GRM8: variants seen among roughly 807,000 people sequenced by gnomAD.
The protein encoded by GRM8 is glutamate metabotropic receptor 8, also known as metabotropic glutamate receptor 8.
GRM8 carries 47 observed loss-of-function variants against 87.2 expected under a neutral mutation model. The ratio of observed to expected loss-of-function variants is 0.54; its 90% CI spans 0.43 to 0.69. The LOEUF is 0.69. GRM8 is among the 30% of genes least tolerant of loss of function. The pLI, the probability that GRM8 is intolerant of heterozygous loss-of-function variation, is 0.00. For missense variants in GRM8, 1,019 were observed against 1,139.2 expected (o/e 0.89, Z 1.52); for synonymous variants, 396 against 404.5 (o/e 0.98, Z 0.25).
intron 8 of GRM8, among the ~76,000 whole-genome samples, chr7:126,591,720 C>A (rs2151044138): frequency 6.8e-6 from 1 of 147,682 alleles, no homozygotes. Flanking sequence ...CCTTAAGGAA[C>A]TAGAAAAATA....
At chr7:126,624,909 G>A (rs191381379) in intron 7 of GRM8, among the ~76,000 whole-genome samples, 4 of 152,202 alleles carry the variant, frequency 2.6e-5, no homozygotes, top group Non-Finnish European at 4.4e-5. Context: ...GGATTCCAGC[G>A]TGAGTGCATG....
At chr7:127,228,439 G>T (rs75506384) in intron 2 of GRM8, 1 of 152,316 alleles carries the variant, frequency 6.6e-6, no homozygotes, top group African/African-American at 2.4e-5. Context: ...AACACCTGAA[G>T]GACTGTCTCA....
chr7:126,643,473 C>A (rs186661401), intron 7 of GRM8, among the ~76,000 whole-genome samples: 2 of 149,100 alleles, frequency 1.3e-5, no homozygotes, highest in African/African-American at 4.9e-5. Flanking sequence ...TAATTAAAAC[C>A]TTGTGTATAT....
At chr7:127,105,140 TG>T (rs1277199406) in intron 3 of GRM8, among the ~76,000 whole-genome samples, 1 of 152,192 alleles carries the variant, frequency 6.6e-6, no homozygotes, top group Non-Finnish European at 1.5e-5. Context: ...TTCATTTGAG[TG>T]GGCATTTCCT....
intron 3 of GRM8, among the ~76,000 whole-genome samples, chr7:126,907,587 A>G (rs1281168501): frequency 1.3e-5 from 2 of 152,132 alleles, no homozygotes; most frequent in Non-Finnish European, 2.9e-5. Flanking sequence ...TGAGATGGAG[A>G]TAAGGGTCCA....
At chr7:127,055,558 C>T (rs1819895884) in intron 3 of GRM8, among the ~76,000 whole-genome samples, 1 of 152,082 alleles carries the variant, frequency 6.6e-6, no homozygotes, top group South Asian at 2.1e-4. Context: ...CCATAATCTA[C>T]AAATGGCCTA....
intron 9 of GRM8, among the ~76,000 whole-genome samples, chr7:126,482,867 G>T (rs1806863461): frequency 6.6e-6 from 1 of 151,642 alleles, no homozygotes; most frequent in African/African-American, 2.4e-5. Context: ...CATGACCATG[G>T]GCAAATATCT....
intron 6 of GRM8, among the ~76,000 whole-genome samples, chr7:126,828,728 T>C (rs1359787927): frequency 6.6e-6 from 1 of 152,320 alleles, no homozygotes; most frequent in Non-Finnish European, 1.5e-5. Flanking sequence ...TTCAGTTATT[T>C]CTTGCCTTCT....
chr7:126,947,351 A>G (rs998227441), intron 3 of GRM8, among the ~76,000 whole-genome samples: 3 of 152,154 alleles, frequency 2.0e-5, no homozygotes, highest in African/African-American at 7.2e-5. Context: ...CCTTGTATAT[A>G]TTATCAGTCA....
intron 6 of GRM8, among the ~76,000 whole-genome samples, chr7:126,778,770 C>T (rs1243679746): frequency 6.6e-6 from 1 of 152,026 alleles, no homozygotes; most frequent in Non-Finnish European, 1.5e-5. Flanking sequence ...AATGCTACCC[C>T]CACCCCCAAT....
intron 3 of GRM8, among the ~76,000 whole-genome samples, chr7:126,996,537 T>G (rs118128759): frequency 1.4e-3 from 213 of 152,060 alleles, no homozygotes; most frequent in Non-Finnish European, 2.5e-3. Flanking sequence ...GACCCAATGA[T>G]CTGCTGCTTA....
intron 9 of GRM8, among the ~76,000 whole-genome samples, chr7:126,458,135 C>T (rs1412609284): frequency 6.7e-6 from 1 of 150,008 alleles, no homozygotes; most frequent in African/African-American, 2.4e-5. Flanking sequence ...AAAACTTGAT[C>T]AGTTAAAATA....
intron 7 of GRM8, among the ~76,000 whole-genome samples, chr7:126,653,757 A>C (rs1804201625): frequency 6.6e-6 from 1 of 152,222 alleles, no homozygotes; most frequent in Non-Finnish European, 1.5e-5. Context: ...GTTTTAATGC[A>C]CTTCAGTTCA....
At position 126,598,645 on chromosome 7, in the gene GRM8, A is replaced by C. The variant is rs534787590; in HGVS notation, c.1494+10717T>G. On this transcript the variant is annotated intron_variant, in intron 8 of 10. Coordinates refer to ENST00000339582, the MANE Select transcript of GRM8 (RefSeq NM_000845.3). ...AAAGTAGATAAATAGGCAAGAGAGA[A>C]TCTATCAGAAAATTAAGTAAAATAG... 2.0e-4 allele frequency among the ~76,000 whole-genome samples: 30 copies of C among 151,764 alleles called. 1 individual carries two copies. In the South Asian group the frequency reaches 6.2e-3, roughly 31 times the overall value.
chr7:126,799,800 G>T (rs926166661), intron 6 of GRM8, among the ~76,000 whole-genome samples: 13 of 152,118 alleles, frequency 8.5e-5, no homozygotes, highest in Non-Finnish European at 1.6e-4. Flanking sequence ...TAATACCTTT[G>T]CTATGCCTCC....
chr7:127,037,832 CGT>C (rs367605693), intron 3 of GRM8, among the ~76,000 whole-genome samples: 42,598 of 147,052 alleles, frequency 0.29, 6,496 homozygotes, highest in Non-Finnish European at 0.37. Context: ...CATGCGCATC[CGT>C]GTGTGTGTGT....
intron 8 of GRM8, among the ~76,000 whole-genome samples, chr7:126,550,516 C>T (rs1366152876): frequency 6.6e-6 from 1 of 151,934 alleles, no homozygotes; most frequent in East Asian, 1.9e-4. Context: ...TGTAGAAAAA[C>T]TAGAAATAAA....
At chr7:126,516,453 T>C (rs1400174320) in intron 9 of GRM8, among the ~76,000 whole-genome samples, 1 of 152,058 alleles carries the variant, frequency 6.6e-6, no homozygotes, top group Non-Finnish European at 1.5e-5. Context: ...TGGAATGGTT[T>C]CAAATAGAAG....
At chr7:126,648,636 G>T (rs1260021693) in intron 7 of GRM8, among the ~76,000 whole-genome samples, 1 of 152,182 alleles carries the variant, frequency 6.6e-6, no homozygotes, top group Non-Finnish European at 1.5e-5. Context: ...TAATTTCTCA[G>T]ATGACTGGAT....
Sources: allele counts gnomAD v4.1 joint callset (sites outside exome capture counted in the v4.1 genomes callset), GRCh38; gene constraint gnomAD v4.1.1; transcripts MANE v1.5; gene names NCBI Gene and HGNC (gene_info 2026-07-23, HGNC 2026-07-21).